Variants in MLYCD observed in about 807,000 individuals in gnomAD.
The protein encoded by MLYCD is malonyl-CoA decarboxylase.
Under a neutral mutation model 35.8 loss-of-function variants are expected in MLYCD, and 27 were observed. The ratio of observed to expected loss-of-function variants is 0.75; its 90% confidence interval spans 0.56 to 1.04. MLYCD has a LOEUF of 1.04. MLYCD is among the 50% of genes least tolerant of loss of function. The probability of loss-of-function intolerance (pLI) is 0.00; values close to 1 mark genes in which losing one functional copy is unlikely to be tolerated. For missense variants in MLYCD, 917 were observed against 665.1 expected (o/e 1.38, Z -4.17); for synonymous variants, 403 against 302.4 (o/e 1.33, Z -3.45).
In MLYCD at chr16:83,915,334, G is replaced by C; in HGVS notation, c.1327G>C (p.Gly443Arg). 7 of 1,613,936 alleles carry C rather than the reference G, an allele frequency of 4.3e-6. No homozygotes were observed. The highest frequency in any genetic ancestry group is 5.9e-6 in the Non-Finnish European group (7 of 1,180,040). The change falls in exon 5 of 5, where the codon GGC (glycine) becomes CGC (arginine). Residue 443 changes from glycine to arginine, a missense_variant. By Grantham distance (125) the Gly-to-Arg change is moderately radical. Coordinates refer to ENST00000262430, the MANE Select transcript of MLYCD (RefSeq NM_012213.3). ...INWMADVSLR[G>R]ITGSCGLMAN... ...CTGGATGGCGGATGTGAGCCTCAGA[G>C]GCATCACCGGCTCCTGCGGCCTGAT...
chr16:83,912,083 C>A (rs1907198852), intron 3 of MLYCD, 135 bp from the exon 4 acceptor site: 1 of 1,299,414 alleles, frequency 7.7e-7, no homozygotes, highest in Non-Finnish European at 1.1e-6. Flanking sequence ...GTAGCCTGAA[C>A]CCCAGCTGGG....
chr16:83,910,154 C>T (rs1312167086), intron 3 of MLYCD, among the ~76,000 whole-genome samples: 3 of 151,072 alleles, frequency 2.0e-5, no homozygotes, highest in East Asian at 3.9e-4. Context: ...AAAAGGGCAG[C>T]AGCAACAGTC....
At chr16:83,910,820 T>C (rs1300198254) in intron 3 of MLYCD, among the ~76,000 whole-genome samples, 1 of 152,086 alleles carries the variant, frequency 6.6e-6, no homozygotes, top group Non-Finnish European at 1.5e-5. Context: ...TCGGAGGATA[T>C]GTCCTTCATG....
chr16:83,911,117 C>T (rs370238628), intron 3 of MLYCD, among the ~76,000 whole-genome samples: 32 of 152,294 alleles, frequency 2.1e-4, no homozygotes, highest in African/African-American at 7.7e-4. Context: ...GCTGGGACTA[C>T]AGGCACCTGC....
chr16:83,912,199 C>A lies in MLYCD; in HGVS notation c.799-19C>A, dbSNP rs371452638. 1.1e-5 allele frequency: 17 copies of A among 1,614,024 alleles called. No individual in the cohort carries two copies. Among genetic ancestry groups the A allele is most frequent in the Admixed American group, 3.3e-5 (2 of 60,000 alleles). On this transcript the variant is annotated intron_variant, in intron 3 of 4. Coordinates refer to ENST00000262430, the MANE Select transcript of MLYCD (RefSeq NM_012213.3). ...AGAGCGGCCAGGCCACCCTTAGAACCATCGTTGGTGTTTTCCAGGCAATCG... is the reference window on the plus strand; with the variant it reads ...AGAGCGGCCAGGCCACCCTTAGAACAATCGTTGGTGTTTTCCAGGCAATCG...
intron 3 of MLYCD, among the ~76,000 whole-genome samples, chr16:83,908,928 G>T (rs542638553): frequency 2.4e-4 from 36 of 152,318 alleles, no homozygotes; most frequent in African/African-American, 8.7e-4. Context: ...GGGCATTGCA[G>T]GTTTGCTCAG....
intron 2 of MLYCD, 24 bp from the exon 3 acceptor site, chr16:83,908,102 G>C (rs775850625): frequency 3.1e-6 from 5 of 1,614,056 alleles, no homozygotes; most frequent in Non-Finnish European, 4.2e-6. Context: ...CATTTGTCTT[G>C]TCTCTTTATA....
chr16:83,918,857 A>G lies in MLYCD; in HGVS notation c.*3368A>G, dbSNP rs1372885807. On this transcript the variant is annotated 3_prime_UTR_variant, in exon 5 of 5. Coordinates refer to ENST00000262430, the MANE Select transcript of MLYCD (RefSeq NM_012213.3). ...ACAGGAGAACACGCACACACAGTGC[A>G]CAGAACACAGCCAGTGCACAGGAGA... 1 of 149,732 alleles carries G rather than the reference A, an allele frequency of 6.7e-6. No homozygotes were observed. Among genetic ancestry groups the G allele is most frequent in the African/African-American group, 2.5e-5 (1 of 39,980 alleles). 9.3% of individuals were successfully genotyped at this position (149,732 alleles called of 1,614,324 possible). A position where few individuals can be genotyped will look rare whatever the true frequency, so the allele number is the denominator to read the frequency against.
Position 83,915,887 on chromosome 16 carries a change from T to C in MLYCD, c.*398T>C, listed in dbSNP as rs1287305715. The C allele has an allele frequency of 1.7e-6, 2 of 1,144,136 alleles. No homozygotes were observed. Among genetic ancestry groups the C allele is most frequent in the East Asian group, 5.9e-5 (1 of 17,018 alleles). The allele number at this position is 1,144,136 out of a possible 1,614,324, so 70.9% of individuals were successfully genotyped here. A position where few individuals can be genotyped will look rare whatever the true frequency, so the allele number is the denominator to read the frequency against. On this transcript the variant is annotated 3_prime_UTR_variant, in exon 5 of 5. Coordinates refer to ENST00000262430, the MANE Select transcript of MLYCD (RefSeq NM_012213.3). ...CCGGGGCGCGTGGCCCAGATAAGAA[T>C]AGGTGTTCCTTTGTGCTCATAAAAC...
Position 83,915,306 on chromosome 16 carries a change from C to A in MLYCD, c.1299C>A (p.Ile433=), listed in dbSNP as rs1907338342. ...HLQNGAVLWR[I]NWMADVSLRG... ...AGAACGGGGCGGTGCTGTGGCGCAT[C>A]AACTGGATGGCGGATGTGAGCCTCA... Residue 433 remains isoleucine (I), a synonymous_variant, in exon 5 of 5, where the codon ATC becomes ATA. Transcript: ENST00000262430. The A allele has an allele frequency of 6.2e-7, 1 of 1,613,808 alleles. No individual in the cohort carries two copies. The highest frequency in any genetic ancestry group is 1.3e-5 in the African/African-American group (1 of 75,034).
In MLYCD at chr16:83,918,352, C is replaced by T. The variant is rs78616464; in HGVS notation, c.*2863C>T. ...TGCACAGGAGAACACGCACACGGTG[C>T]ACAGGAGAACACGCACACATGTTGC... On this transcript the variant is annotated 3_prime_UTR_variant, in exon 5 of 5. Transcript: ENST00000262430. 6,654 of 149,210 alleles carry T rather than the reference C, an allele frequency of 0.045. 208 individuals are homozygous for T. The highest frequency in any genetic ancestry group is 0.11 in the East Asian group (552 of 4,924). The allele number at this position is 149,210 out of a possible 1,614,324, so 9.2% of individuals were successfully genotyped here. A position where few individuals can be genotyped will look rare whatever the true frequency, so the allele number is the denominator to read the frequency against.
chr16:83,918,906 G>GCACAGGAGAATATGCATAAACAGTT lies in MLYCD; in HGVS notation c.*3428_*3452dup, dbSNP rs1408039176. ...GAACACTGCACAGGAGAACCACACT[G>GCACAGGAGAATATGCATAAACAGTT]CACAGGAGAATATGCATAAACAGTT... On this transcript the variant is annotated 3_prime_UTR_variant, in exon 5 of 5. Coordinates refer to ENST00000262430, the MANE Select transcript of MLYCD (RefSeq NM_012213.3). The GCACAGGAGAATATGCATAAACAGTT allele has an allele frequency of 1.4e-5, 2 of 140,192 alleles. No homozygotes were observed. Among genetic ancestry groups the GCACAGGAGAATATGCATAAACAGTT allele is most frequent in the Non-Finnish European group, 1.5e-5 (1 of 66,310 alleles). The allele number at this position is 140,192 out of a possible 1,614,324, so 8.7% of individuals were successfully genotyped here. A position where few individuals can be genotyped will look rare whatever the true frequency, so the allele number is the denominator to read the frequency against.
intron 3 of MLYCD, among the ~76,000 whole-genome samples, chr16:83,910,704 A>G (rs1567635088): frequency 2.6e-5 from 4 of 152,020 alleles, no homozygotes; most frequent in South Asian, 2.1e-4. Context: ...AAAAAAAAAA[A>G]AAAGAAAGGA....
intron 1 of MLYCD, among the ~76,000 whole-genome samples, chr16:83,901,656 C>T (rs1415718523): frequency 2.6e-5 from 4 of 152,182 alleles, no homozygotes; most frequent in Non-Finnish European, 5.9e-5. Flanking sequence ...CTTCCCCACT[C>T]AAGAAAACTC....
rs1372309872 is a variant in MLYCD at position 83,916,753 on chromosome 16, T to C, written c.*1264T>C. 1 of 136,124 alleles carries C rather than the reference T, an allele frequency of 7.3e-6. No homozygotes were observed. Among genetic ancestry groups the C allele is most frequent in the African/African-American group, 2.8e-5 (1 of 35,326 alleles). 8.4% of individuals were successfully genotyped at this position (136,124 alleles called of 1,614,324 possible). On this transcript the variant is annotated 3_prime_UTR_variant, in exon 5 of 5. Transcript: ENST00000262430. Reference sequence around the variant, plus strand: ...GTGCGTGTGCCCGAGCGTCTCTGTGTGGATCAGTGCACGTCTGTGTGCATG... The same window carrying C: ...GTGCGTGTGCCCGAGCGTCTCTGTGCGGATCAGTGCACGTCTGTGTGCATG...
rs1341030109 is a variant in MLYCD, at chr16:83,899,510, G to A, written c.366G>A (p.Leu122=). The A allele has an allele frequency of 6.3e-7, 1 of 1,584,616 alleles. No individual in the cohort carries two copies. The highest frequency in any genetic ancestry group is 8.5e-7 in the Non-Finnish European group (1 of 1,174,452). ...AGCAGCAGCGGGAGGCGGCGGTGCTGCTGCAGGCCGAGGACCGGCTGCGCT... is the reference window on the plus strand; with the variant it reads ...AGCAGCAGCGGGAGGCGGCGGTGCTACTGCAGGCCGAGGACCGGCTGCGCT... ...LRQQQREAAV[L]LQAEDRLRYA... Residue 122 remains leucine (L), a synonymous_variant, in exon 1 of 5, where the codon CTG becomes CTA. Coordinates refer to ENST00000262430, the MANE Select transcript of MLYCD (RefSeq NM_012213.3).
At chr16:83,911,996 A>G in intron 3 of MLYCD, 1 of 597,726 alleles carries the variant, frequency 1.7e-6, no homozygotes, top group Non-Finnish European at 3.0e-6. Flanking sequence ...GAAACGATGC[A>G]GTGCTGAGGA....
Position 83,906,937 on chromosome 16 carries a change from G to C in MLYCD, c.529-50G>C, listed in dbSNP as rs774327940. 2.0e-6 allele frequency: 3 copies of C among 1,478,132 alleles called. 1 individual carries two copies. The South Asian group carries it at 3.4e-5, about 17-fold the overall frequency. The allele number at this position is 1,478,132 out of a possible 1,614,324, so 91.6% of individuals were successfully genotyped here. A position where few individuals can be genotyped will look rare whatever the true frequency, so the allele number is the denominator to read the frequency against. On this transcript the variant is annotated intron_variant, in intron 1 of 4. Transcript: ENST00000262430. Reference sequence around the variant, plus strand: ...TGTGCTGACCACAACACAGAGATGGGCTTGATCTGTCGCACATTGGAGGCC... The same window carrying C: ...TGTGCTGACCACAACACAGAGATGGCCTTGATCTGTCGCACATTGGAGGCC...
chr16:83,908,601 G>C (rs1033215450), intron 3 of MLYCD, among the ~76,000 whole-genome samples: 1 of 152,194 alleles, frequency 6.6e-6, no homozygotes, highest in African/African-American at 2.4e-5. Flanking sequence ...ACAGATACCT[G>C]ATTCATACAT....
Sources: gnomAD v4.1 joint callset for allele counts (sites outside exome capture counted in the v4.1 genomes callset) on GRCh38, gnomAD v4.1.1 for gene constraint, MANE v1.5 for transcripts, NCBI Gene and HGNC (gene_info 2026-07-23, HGNC 2026-07-21) for gene names.